ANXA4: variants seen among roughly 807,000 people sequenced by gnomAD.
The protein encoded by ANXA4 is annexin A4, also known as 35-beta calcimedin.
A neutral mutation model predicts 49.8 loss-of-function variants in ANXA4; 39 were observed. The ratio of observed to expected loss-of-function variants is 0.78; its 90% CI spans 0.61 to 1.02. ANXA4 has a LOEUF of 1.02. Ranked by LOEUF, ANXA4 falls within the 50% of genes least tolerant of loss-of-function variation. The pLI is 0.00. For missense variants in ANXA4, 360 were observed against 410.1 expected (o/e 0.88, Z 1.05); for synonymous variants, 134 against 152.5 (o/e 0.88, Z 0.89).
chr2:69,736,958 C>T lies in ANXA4; in HGVS notation n.864+16087C>T, dbSNP rs182655565. Among the ~76,000 whole-genome samples the T allele has an allele frequency of 2.0e-3, 300 of 150,704 alleles. 1 individual carries two copies. The highest frequency in any genetic ancestry group is 6.8e-3 in the African/African-American group (271 of 40,044). ...CTGGGATTACAGGTGACCACCACCA[C>T]GCTTGGCTAATTTTTGTATTTTTTA... On this transcript the variant is annotated intron_variant and non_coding_transcript_variant, in intron 3 of 3. Coordinates refer to the ANXA4 transcript ENST00000418066.
At chr2:69,701,733 C>G (rs76871319) in intron 2 of ANXA4, among the ~76,000 whole-genome samples, 91 of 152,314 alleles carry the variant, frequency 6.0e-4, no homozygotes, top group Non-Finnish European at 1.2e-3. Context: ...TGCCAGTTTA[C>G]TCCATGGAAG....
At chr2:69,802,998 A>G (rs1409263229) in intron 3 of ANXA4, among the ~76,000 whole-genome samples, 3 of 151,874 alleles carry the variant, frequency 2.0e-5, no homozygotes, top group Non-Finnish European at 4.4e-5. Context: ...GGAGTTCAAG[A>G]CCAGCCTGGT....
At chr2:69,806,597 C>A in intron 5 of ANXA4, 99 bp downstream of exon 5, 1 of 916,638 alleles carries the variant, frequency 1.1e-6, no homozygotes. Context: ...TGGAAGCAAC[C>A]TAAACGCCCA....
intron 11 of ANXA4, 138 bp downstream of exon 11, chr2:69,819,476 C>G (rs1205358062): frequency 1.6e-6 from 1 of 632,006 alleles, no homozygotes; most frequent in Non-Finnish European, 2.8e-6. Context: ...TGAGTGCCTG[C>G]TAATAATAAT....
At chr2:69,692,774 G>C (rs1678018740) in intron 2 of ANXA4, among the ~76,000 whole-genome samples, 1 of 152,200 alleles carries the variant, frequency 6.6e-6, no homozygotes, top group Non-Finnish European at 1.5e-5. Flanking sequence ...GCTAGGTAAG[G>C]CTAAATGTCT....
rs1455529776 is a variant in ANXA4, at chr2:69,816,358, T to A, written c.628+164T>A. 2.1e-5 allele frequency: 11 copies of A among 533,414 alleles called. No homozygotes were observed. The East Asian group carries it at 2.9e-4, about 14-fold the overall frequency. The allele number at this position is 533,414 out of a possible 1,614,324, so 33.0% of individuals were successfully genotyped here. On this transcript the variant is annotated intron_variant, in intron 9 of 12. Coordinates refer to ENST00000394295, the MANE Select transcript of ANXA4 (RefSeq NM_001153.5). ...GGAAATGTATTAGTCCAATGATGTATATGAAAGCTAATTTCTGAAAGATTA... is the reference window on the plus strand; with the variant it reads ...GGAAATGTATTAGTCCAATGATGTAAATGAAAGCTAATTTCTGAAAGATTA...
chr2:69,798,102 G>C (rs1388288670), intron 3 of ANXA4, among the ~76,000 whole-genome samples: 1 of 152,170 alleles, frequency 6.6e-6, no homozygotes, highest in African/African-American at 2.4e-5. Flanking sequence ...TCCTCACATG[G>C]GAAAAGAAAC....
At chr2:69,772,745 G>A (rs1573229114) in intron 1 of ANXA4, among the ~76,000 whole-genome samples, 1 of 152,132 alleles carries the variant, frequency 6.6e-6, no homozygotes. Context: ...GTGGCCAGGC[G>A]CAGTGGCTCA....
At chr2:69,695,023 C>T (rs59326525) in intron 2 of ANXA4, among the ~76,000 whole-genome samples, 3,548 of 152,126 alleles carry the variant, frequency 0.023, 110 homozygotes, top group East Asian at 0.1. Flanking sequence ...ATGCCTGCAG[C>T]CCCAGCTACT....
At chr2:69,648,770 G>A (rs1319467931) in intron 1 of ANXA4, among the ~76,000 whole-genome samples, 8 of 136,488 alleles carry the variant, frequency 5.9e-5, no homozygotes, top group African/African-American at 8.5e-5. Flanking sequence ...GCAGTGAGCC[G>A]AGAGTGCACC....
intron 2 of ANXA4, among the ~76,000 whole-genome samples, chr2:69,713,319 TCCCA>T (rs1405346134): frequency 5.9e-5 from 9 of 152,270 alleles, no homozygotes; most frequent in African/African-American, 1.7e-4. Flanking sequence ...GCCCTCTCCC[TCCCA>T]TTCTTGTCAC....
At position 69,756,301 on chromosome 2, in the gene ANXA4, A is replaced by AT. The variant is rs1412314434; in HGVS notation, c.-47+14126_-47+14127insT. On this transcript the variant is annotated intron_variant, in intron 1 of 12. Transcript: ENST00000394295. ...GCGTTTTTGCTGTGCCTAAAAAAAA[A>AT]GGGTGGTGGCTGAGTTTAGTAGCAG... Among the ~76,000 whole-genome samples, 3 of 152,218 alleles carry AT rather than the reference A, an allele frequency of 2.0e-5. No individual in the cohort carries two copies. The East Asian group carries it at 5.8e-4, about 29-fold the overall frequency.
chr2:69,738,746 A>G (rs888181861), upstream of ANXA4, among the ~76,000 whole-genome samples: 3 of 152,186 alleles, frequency 2.0e-5, no homozygotes, highest in Non-Finnish European at 2.9e-5. Context: ...GGGCATGTGT[A>G]GATGCTCTAG....
At chr2:69,665,389 A>C (rs74773765) in intron 2 of ANXA4, among the ~76,000 whole-genome samples, 3,313 of 152,194 alleles carry the variant, frequency 0.022, 117 homozygotes, top group African/African-American at 0.076. Flanking sequence ...TCCCTGTCTC[A>C]TGGCAGCCAG....
chr2:69,786,979 C>A (rs917708500), intron 2 of ANXA4, among the ~76,000 whole-genome samples: 5 of 152,208 alleles, frequency 3.3e-5, no homozygotes, highest in African/African-American at 1.2e-4. Flanking sequence ...CCTGCCTCAG[C>A]CTCCCAAAGT....
At chr2:69,789,854 C>G (rs1672601175) in intron 3 of ANXA4, among the ~76,000 whole-genome samples, 1 of 152,116 alleles carries the variant, frequency 6.6e-6, no homozygotes, top group Non-Finnish European at 1.5e-5. Flanking sequence ...GTTTCTGTGT[C>G]TGTTCCCACA....
chr2:69,724,473 G>C (rs1486680911), intron 3 of ANXA4, among the ~76,000 whole-genome samples: 3 of 152,174 alleles, frequency 2.0e-5, no homozygotes, highest in Non-Finnish European at 4.4e-5. Context: ...GCAGGTATGG[G>C]CTAATTGCAG....
chr2:69,799,729 C>G (rs542117591), intron 3 of ANXA4, among the ~76,000 whole-genome samples: 1 of 152,286 alleles, frequency 6.6e-6, no homozygotes, highest in South Asian at 2.1e-4. Flanking sequence ...GCCTCTGCCC[C>G]CAAGACCTTG....
intron 2 of ANXA4, among the ~76,000 whole-genome samples, chr2:69,784,126 T>G (rs1488974957): frequency 6.6e-6 from 1 of 152,230 alleles, no homozygotes; most frequent in Non-Finnish European, 1.5e-5. Flanking sequence ...CTTTGCCTGC[T>G]ATCACAATGG....
Sources: gnomAD v4.1 joint callset for allele counts (sites outside exome capture counted in the v4.1 genomes callset) on GRCh38, gnomAD v4.1.1 for gene constraint, MANE v1.5 for transcripts, NCBI Gene and HGNC (gene_info 2026-07-23, HGNC 2026-07-21) for gene names.